LDB3: variants seen among roughly 807,000 people sequenced by gnomAD.
The protein encoded by LDB3 is LIM domain-binding protein 3.
LDB3 carries 49 observed loss-of-function variants against 69.0 expected under a neutral mutation model. That is an observed-to-expected ratio of 0.71 (90% CI 0.56 to 0.90). LDB3 has a LOEUF of 0.90. LDB3 is among the 40% of genes least tolerant of loss of function. The pLI, the probability that LDB3 is intolerant of heterozygous loss-of-function variation, is 0.00. For missense variants in LDB3, 928 were observed against 974.1 expected, an observed-to-expected ratio of 0.95 and a Z score of 0.63; for synonymous variants, 387 against 396.2, an observed-to-expected ratio of 0.98 and a Z score of 0.28.
rs570904042 is a variant in LDB3 at position 86,705,502 on chromosome 10, C to T, written c.897-1029C>T. ...ATTTAATTTTTATTCTCTGCCCACC[C>T]CATTTTACAGTTAGCAACCCAGCTC... On this transcript the variant is annotated intron_variant, in intron 7 of 13. Transcript: ENST00000361373. Among the ~76,000 whole-genome samples, 24 of 152,328 alleles carry T rather than the reference C, an allele frequency of 1.6e-4. No homozygotes were observed. In the East Asian group the frequency reaches 4.6e-3, roughly 29 times the overall value.
chr10:86,699,473 T>C lies in LDB3; in HGVS notation c.896+6902T>C, dbSNP rs1564648396. On this transcript the variant is annotated intron_variant, in intron 7 of 13. Coordinates refer to ENST00000361373, the MANE Select transcript of LDB3 (RefSeq NM_007078.3). The surrounding 1 kb of genome is among the most constrained non-coding windows in gnomAD (Gnocchi z 4.9). ...TGAGCCCCACGGTGATGCTTGACAATGTATAACTCTGCTGGGGGCACCTCT... is the reference window on the plus strand; with the variant it reads ...TGAGCCCCACGGTGATGCTTGACAACGTATAACTCTGCTGGGGGCACCTCT... 2 of 1,585,222 alleles carry C rather than the reference T, an allele frequency of 1.3e-6. No individual in the cohort carries two copies. Among genetic ancestry groups the C allele is most frequent in the Non-Finnish European group, 1.7e-6 (2 of 1,167,926 alleles).
At position 86,699,279 on chromosome 10, in the gene LDB3, G is replaced by A; in HGVS notation, c.896+6708G>A. 2 of 1,612,708 alleles carry A rather than the reference G, an allele frequency of 1.2e-6. No homozygotes were observed. ...TCTCTCTCTCTCTCTGTGCCACAGGGAAAGGTTTGAAACGGAACGTAACAG... is the reference window on the plus strand; with the variant it reads ...TCTCTCTCTCTCTCTGTGCCACAGGAAAAGGTTTGAAACGGAACGTAACAG... On this transcript the variant is annotated intron_variant, in intron 7 of 13. Coordinates refer to ENST00000361373, the MANE Select transcript of LDB3 (RefSeq NM_007078.3). The surrounding 1 kb of genome is among the most constrained non-coding windows in gnomAD (Gnocchi z 4.9).
In LDB3 at chr10:86,687,180, G is replaced by T. The variant is rs371708921; in HGVS notation, c.690-4716G>T. On this transcript the variant is annotated intron_variant, in intron 5 of 13. Transcript: ENST00000361373. ...GCGGCAAGGCCACCATCATCCATGC[G>T]CAGTACAACACGCCCATCAGCATGT... 16 of 1,614,200 alleles carry T rather than the reference G, an allele frequency of 9.9e-6. No homozygotes were observed. The highest frequency in any genetic ancestry group is 1.4e-5 in the Non-Finnish European group (16 of 1,180,032).
intron 2 of LDB3, among the ~76,000 whole-genome samples, chr10:86,670,706 C>T (rs1272438037): frequency 6.6e-6 from 1 of 152,198 alleles, no homozygotes; most frequent in East Asian, 1.9e-4. Context: ...ACTGTGGGGA[C>T]TTCTAAAAAT....
At chr10:86,728,577 G>A (rs1847341104) in intron 13 of LDB3, among the ~76,000 whole-genome samples, 1 of 103,172 alleles carries the variant, frequency 9.7e-6, no homozygotes, top group African/African-American at 3.9e-5. Context: ...AGTGGAACAT[G>A]GTTCTTTTGT....
chr10:86,699,636 T>G lies in LDB3; in HGVS notation c.897-6895T>G. 2 of 1,335,804 alleles carry G rather than the reference T, an allele frequency of 1.5e-6. No homozygotes were observed. The highest frequency in any genetic ancestry group is 3.2e-5 in the East Asian group (1 of 31,042). The allele number at this position is 1,335,804 out of a possible 1,614,324, so 82.7% of individuals were successfully genotyped here. A position where few individuals can be genotyped will look rare whatever the true frequency, so the allele number is the denominator to read the frequency against. On this transcript the variant is annotated intron_variant, in intron 7 of 13. Coordinates refer to ENST00000361373, the MANE Select transcript of LDB3 (RefSeq NM_007078.3). This position sits in a 1 kb window ranked among gnomAD's most constrained non-coding sequence, Gnocchi z 4.9. ...CCAAATAGCCCGTAGCCCAATCCCC[T>G]GCCCTCTGCACAGGGCCTTAGCTGT...
intron 12 of LDB3, among the ~76,000 whole-genome samples, chr10:86,722,654 G>A (rs1052949164): frequency 5.4e-5 from 7 of 129,018 alleles, no homozygotes; most frequent in Non-Finnish European, 1.1e-4. Flanking sequence ...TGCAACCTCC[G>A]CCTTCTGGGT....
At chr10:86,668,617 G>C (rs1340526543) in intron 1 of LDB3, 47 bp downstream of exon 1, 3 of 1,162,132 alleles carry the variant, frequency 2.6e-6, no homozygotes, top group Non-Finnish European at 3.9e-6. Context: ...GACCGGGCAG[G>C]CGGAGTGCCT....
intron 12 of LDB3, among the ~76,000 whole-genome samples, chr10:86,723,050 T>C (rs749199906): frequency 1.1e-4 from 16 of 151,654 alleles, no homozygotes; most frequent in Non-Finnish European, 2.2e-4. Flanking sequence ...GAGGACCCCT[T>C]GAGCCCAGGA....
chr10:86,732,287 C>T (rs1847495695), intron 13 of LDB3, among the ~76,000 whole-genome samples: 1 of 152,036 alleles, frequency 6.6e-6, no homozygotes, highest in African/African-American at 2.4e-5. Context: ...TGACTCTATT[C>T]ATGCTATTTT....
chr10:86,681,895 G>T (rs1589624161), intron 5 of LDB3, 92 bp downstream of exon 5: 2 of 1,333,284 alleles, frequency 1.5e-6, no homozygotes, highest in Non-Finnish European at 2.1e-6. Context: ...TCAGAGCGAG[G>T]CACTGGCCCC....
chr10:86,714,153 A>G (rs907426655), intron 9 of LDB3, among the ~76,000 whole-genome samples: 1 of 152,222 alleles, frequency 6.6e-6, no homozygotes, highest in Non-Finnish European at 1.5e-5. Context: ...ACTAAGAATC[A>G]GTATTGCCAG....
At chr10:86,678,451 T>A (rs1337674467) in intron 2 of LDB3, among the ~76,000 whole-genome samples, 3 of 151,462 alleles carry the variant, frequency 2.0e-5, no homozygotes, top group African/African-American at 7.3e-5. Flanking sequence ...GCAATTCTCC[T>A]GCCTCAGCCT....
At chr10:86,729,733 C>T (rs969916835) in intron 13 of LDB3, among the ~76,000 whole-genome samples, 3 of 152,204 alleles carry the variant, frequency 2.0e-5, no homozygotes, top group African/African-American at 7.2e-5. Context: ...CCACCCTCAG[C>T]CCCATCTCAC....
In LDB3 at chr10:86,718,126, C is replaced by T; in HGVS notation, c.1839C>T (p.Cys613=). 6.2e-7 allele frequency: 1 copy of T among 1,614,172 alleles called. No homozygotes were observed. Among genetic ancestry groups the T allele is most frequent in the Non-Finnish European group, 8.5e-7 (1 of 1,180,030 alleles). The change falls in exon 11 of 14, where the codon TGC becomes TGT. Residue 613 remains cysteine (C), a synonymous_variant. Coordinates refer to ENST00000361373, the MANE Select transcript of LDB3 (RefSeq NM_007078.3). ...EQFFAPLCAK[C]NTKIMGEVMH... ...TCTTTGCCCCGCTGTGTGCCAAGTG[C>T]AACACCAAAATTATGGGGGTAAGTG...
intron 5 of LDB3, among the ~76,000 whole-genome samples, chr10:86,689,647 AT>A (rs1366950581): frequency 6.6e-6 from 1 of 152,192 alleles, no homozygotes; most frequent in East Asian, 1.9e-4. Context: ...CTGGGCCATT[AT>A]TCAGGGCTAG....
chr10:86,721,903 A>G (rs2132494003), intron 12 of LDB3, among the ~76,000 whole-genome samples: 1 of 152,332 alleles, frequency 6.6e-6, no homozygotes, highest in South Asian at 2.1e-4. Flanking sequence ...AAATCCATTA[A>G]ATGTGAGGGT....
At chr10:86,692,115 C>T (rs373889950) in intron 6 of LDB3, 50 bp downstream of exon 6, 2 of 1,600,692 alleles carry the variant, frequency 1.2e-6, no homozygotes, top group African/African-American at 2.7e-5. Context: ...TGCTGAGGGG[C>T]CACCAGGGAC....
At position 86,733,566 on chromosome 10, in the gene LDB3, G is replaced by C. The variant is rs1847545075; in HGVS notation, c.*590G>C. On this transcript the variant is annotated 3_prime_UTR_variant, in exon 14 of 14. Coordinates refer to ENST00000361373, the MANE Select transcript of LDB3 (RefSeq NM_007078.3). ...GAACAAACTTAAAACCTTCTTGGGA[G>C]CCCGGACGTCCAAAGAGATGTCTTC... 6.5e-6 allele frequency: 1 copy of C among 153,466 alleles called. No homozygotes were observed. Among genetic ancestry groups the C allele is most frequent in the African/African-American group, 2.4e-5 (1 of 41,442 alleles). 9.5% of individuals were successfully genotyped at this position (153,466 alleles called of 1,614,324 possible). A position where few individuals can be genotyped will look rare whatever the true frequency, so the allele number is the denominator to read the frequency against.
Sources: gnomAD v4.1 joint callset for allele counts (sites outside exome capture counted in the v4.1 genomes callset) on GRCh38, gnomAD v4.1.1 for gene constraint, Gnocchi (gnomAD v3.1) non-coding constraint, MANE v1.5 for transcripts, NCBI Gene and HGNC (gene_info 2026-07-23, HGNC 2026-07-21) for gene names.